The following FLCN variants were observed in gnomAD, a reference collection of about 807,000 sequenced individuals.
The protein encoded by FLCN is folliculin, also known as BHD skin lesion fibrofolliculoma protein.
In FLCN, 22 loss-of-function variants were observed where a neutral mutation model predicts 62.5. The ratio of observed to expected loss-of-function variants is 0.35; its 90% CI spans 0.25 to 0.50. The LOEUF (loss-of-function observed/expected upper bound fraction) is 0.50, where lower values mean the gene tolerates loss of function less well. FLCN is among the 20% of genes least tolerant of loss of function. The probability of loss-of-function intolerance (pLI) is 0.97; values close to 1 mark genes in which losing one functional copy is unlikely to be tolerated. For synonymous variants in FLCN, 319 were observed against 310.0 expected, an observed-to-expected ratio of 1.03 and a Z score of -0.30; for missense variants, 657 against 778.0, an observed-to-expected ratio of 0.84 and a Z score of 1.85.
At position 17,215,047 on chromosome 17, in the gene FLCN, G is replaced by A. The variant is rs779837933; in HGVS notation, c.1476C>T (p.Asn492=). The change falls in exon 13 of 14, where the codon AAC becomes AAT. Residue 492 remains asparagine, a synonymous_variant. Coordinates refer to ENST00000285071, the MANE Select transcript of FLCN (RefSeq NM_144997.7). The stretch of plus-strand genomic sequence containing the variant: ...CCACCACATCCACAGACAGGTTCTG[G>A]TTGGTCAGAGCCGCTTCAATCTTAT... The part of the protein sequence containing the change: ...ILNKIEAALT[N]QNLSVDVVDQ... 3.7e-6 allele frequency: 6 copies of A among 1,614,066 alleles called. No homozygotes were observed. In the East Asian group the frequency reaches 6.7e-5, roughly 18 times the overall value.
Position 17,216,622 on chromosome 17 carries a change from G to T in FLCN, c.1177-119C>A. On this transcript the variant is annotated intron_variant, in intron 10 of 13. Transcript: ENST00000285071. The surrounding 1 kb of genome is among the most constrained non-coding windows in gnomAD (Gnocchi z 4.0). ...CAGCCCGGTCCAAGCCCTCCCTCCTGCCAGAGGAGTCCCCAGACTCTCAGC... is the reference window on the plus strand; with the variant it reads ...CAGCCCGGTCCAAGCCCTCCCTCCTTCCAGAGGAGTCCCCAGACTCTCAGC... The T allele has an allele frequency of 6.8e-7, 1 of 1,481,428 alleles. No individual in the cohort carries two copies. Among genetic ancestry groups the T allele is most frequent in the Non-Finnish European group, 9.1e-7 (1 of 1,095,276 alleles). 91.8% of individuals were successfully genotyped at this position (1,481,428 alleles called of 1,614,324 possible).
chr17:17,217,580 A>G (rs1183934808), intron 9 of FLCN: 3 of 338,308 alleles, frequency 8.9e-6, no homozygotes, highest in Non-Finnish European at 1.7e-5. Context: ...AGCTGAGACC[A>G]TGACTGCAGC....
At chr17:17,228,521 G>A (rs2047327985) in intron 3 of FLCN, 1 of 286,468 alleles carries the variant, frequency 3.5e-6, no homozygotes, top group South Asian at 4.0e-5. Context: ...ATAGATAAAA[G>A]GCCACAGGGA....
chr17:17,213,487 A>T lies in FLCN; in HGVS notation c.*168T>A. On this transcript the variant is annotated 3_prime_UTR_variant, in exon 14 of 14. Coordinates refer to ENST00000285071, the MANE Select transcript of FLCN (RefSeq NM_144997.7). ...CGGCTGGAGGGAGAGTCTGGGAAGC[A>T]CACAGGCCCCAAACCTGACAGGGCC... 1.2e-6 allele frequency: 1 copy of T among 839,578 alleles called. No individual in the cohort carries two copies. Among genetic ancestry groups the T allele is most frequent in the South Asian group, 1.5e-5 (1 of 66,640 alleles). The allele number at this position is 839,578 out of a possible 1,614,324, so 52.0% of individuals were successfully genotyped here.
At chr17:17,221,346 A>C (rs1489190411) in intron 8 of FLCN, 191 bp downstream of exon 8, 5 of 1,579,974 alleles carry the variant, frequency 3.2e-6, no homozygotes, top group Non-Finnish European at 4.3e-6. Flanking sequence ...CGGTCAAGGC[A>C]AACGAGACAG....
At chr17:17,223,816 A>T (rs957689261) in intron 6 of FLCN, 106 bp downstream of exon 6, 3 of 1,126,916 alleles carry the variant, frequency 2.7e-6, no homozygotes, top group Admixed American at 3.9e-5. Flanking sequence ...ACTGGCTGTA[A>T]GCAGAGGGGA....
In FLCN at chr17:17,221,459, C is replaced by T. The variant is rs545726646; in HGVS notation, c.871+78G>A. 7 of 1,614,124 alleles carry T rather than the reference C, an allele frequency of 4.3e-6. No individual in the cohort carries two copies. In the South Asian group the frequency reaches 5.5e-5, roughly 13 times the overall value. On this transcript the variant is annotated intron_variant, in intron 8 of 13. Coordinates refer to ENST00000285071, the MANE Select transcript of FLCN (RefSeq NM_144997.7). ...GCCGCGTTTCCCTCCCTCAGCGATT[C>T]CTGCCAGGAGAGCAGACAGCTGGTA...
chr17:17,219,447 C>T, intron 8 of FLCN: 1 of 562,446 alleles, frequency 1.8e-6, no homozygotes, highest in Non-Finnish European at 3.2e-6. Context: ...AGACCGTCAG[C>T]TGTTCTCTGC....
intron 1 of FLCN, among the ~76,000 whole-genome samples, chr17:17,233,916 T>G (rs2047500343): frequency 6.6e-6 from 1 of 151,228 alleles, no homozygotes; most frequent in African/African-American, 2.4e-5. Flanking sequence ...AGAGACAGAG[T>G]TTCACCATGT....
rs747579747 is a variant in FLCN at position 17,219,079 on chromosome 17, G to A, written c.1002C>T (p.Gly334=). The stretch of plus-strand genomic sequence containing the variant: ...GCTTCCGGGGCTGCCAGCTCCCACA[G>A]CCTGAGAGAGAGGAGGACTCTGCCG... ...QGPAESSSLS[G]CGSWQPRKLP... is the part of the protein sequence containing the mutation. The change falls in exon 9 of 14, where the codon GGC becomes GGT. Residue 334 remains glycine (G), a synonymous_variant. Transcript: ENST00000285071. 2 of 1,614,114 alleles carry A rather than the reference G, an allele frequency of 1.2e-6. No individual in the cohort carries two copies. The highest frequency in any genetic ancestry group is 1.7e-6 in the Non-Finnish European group (2 of 1,180,018).
Position 17,232,806 on chromosome 17 carries a change from A to C in FLCN, c.-132T>G, listed in dbSNP as rs2145106918. 6.5e-6 allele frequency: 1 copy of C among 152,696 alleles called. No homozygotes were observed. The highest frequency in any genetic ancestry group is 2.1e-4 in the South Asian group (1 of 4,816). The allele number at this position is 152,696 out of a possible 1,614,324, so 9.5% of individuals were successfully genotyped here. ...CACTAACCTGACACTCAGCAGAATC[A>C]CGCTTCCACCGTCCACACCAGACCA... On this transcript the variant is annotated 5_prime_UTR_variant, in exon 2 of 14. It removes the in-frame stop codon of an upstream open reading frame in the 5' UTR. Transcript: ENST00000285071.
At position 17,215,190 on chromosome 17, in the gene FLCN, T is replaced by TC. The variant is rs1131690835; in HGVS notation, c.1426dup (p.Asp476GlyfsTer10). The TC allele has an allele frequency of 1.2e-6, 2 of 1,614,110 alleles. No homozygotes were observed. Among genetic ancestry groups the TC allele is most frequent in the Non-Finnish European group, 1.7e-6 (2 of 1,180,020 alleles). On this transcript the variant is annotated frameshift_variant, in exon 12 of 14. Transcript: ENST00000285071. LOFTEE classifies it high-confidence loss of function. ...CTCTGCCTGGGGGCACCCACCTCGGTCTGCAGCTACAGGGCTCCCACTGGT... is the reference window on the plus strand; with the variant it reads ...CTCTGCCTGGGGGCACCCACCTCGGTCCTGCAGCTACAGGGCTCCCACTGGT...
In FLCN at chr17:17,216,972, G is replaced by A; in HGVS notation, c.1176+97C>T. On this transcript the variant is annotated intron_variant, in intron 10 of 13. Coordinates refer to ENST00000285071, the MANE Select transcript of FLCN (RefSeq NM_144997.7). The surrounding 1 kb of genome is among the most constrained non-coding windows in gnomAD (Gnocchi z 4.0). The stretch of plus-strand genomic sequence containing the variant: ...AGACCGTGTGGTGCACAGCGGTTCT[G>A]TGCTGGGCAGTCGGTGCACCTTGGC... 1.1e-6 allele frequency: 1 copy of A among 898,916 alleles called. No individual in the cohort carries two copies. Among genetic ancestry groups the A allele is most frequent in the Non-Finnish European group, 1.8e-6 (1 of 544,324 alleles). 55.7% of individuals were successfully genotyped at this position (898,916 alleles called of 1,614,324 possible). A position where few individuals can be genotyped will look rare whatever the true frequency, so the allele number is the denominator to read the frequency against.
At position 17,226,314 on chromosome 17, in the gene FLCN, C is replaced by A. The variant is rs1369215617; in HGVS notation, c.258G>T (p.Arg86=). The A allele has an allele frequency of 2.5e-6, 4 of 1,614,184 alleles. No individual in the cohort carries two copies. The change falls in exon 5 of 14, where the codon CGG becomes CGT. Residue 86 remains arginine, a synonymous_variant. Coordinates refer to ENST00000285071, the MANE Select transcript of FLCN (RefSeq NM_144997.7). The part of the protein sequence containing the change: ...PKKSDMCEGC[R]SLAAGHPGYI... ...ATCCCGGGTGCCCTGCAGCAAGTGA[C>A]CGGCAGCCCTGTCCATGAAAAGGAA... is the stretch of plus-strand genomic sequence containing the variant.
intron 6 of FLCN, 161 bp from the exon 7 acceptor site, chr17:17,222,822 C>T: frequency 1.3e-6 from 1 of 798,584 alleles, no homozygotes; most frequent in Non-Finnish European, 2.1e-6. Context: ...CCAATCATTC[C>T]CAACAGCATA....
At position 17,212,421 on chromosome 17, in the gene FLCN, T is replaced by G. The variant is rs747663295; in HGVS notation, c.*1234A>C. On this transcript the variant is annotated 3_prime_UTR_variant, in exon 14 of 14. Transcript: ENST00000285071. ...CTGTATGTTGAAGCAGGAGGACTGC[T>G]TGAACTCAGGAGTTCAAGACCAGCC... 1 of 167,952 alleles carries G rather than the reference T, an allele frequency of 6.0e-6. No individual in the cohort carries two copies. Among genetic ancestry groups the G allele is most frequent in the African/African-American group, 2.5e-5 (1 of 40,154 alleles). 10.4% of individuals were successfully genotyped at this position (167,952 alleles called of 1,614,324 possible). A position where few individuals can be genotyped will look rare whatever the true frequency, so the allele number is the denominator to read the frequency against.
intron 9 of FLCN, among the ~76,000 whole-genome samples, chr17:17,218,797 G>A (rs942334656): frequency 1.3e-5 from 2 of 152,166 alleles, no homozygotes; most frequent in Non-Finnish European, 2.9e-5. Context: ...AACTATCTGG[G>A]CTTTTCTTTG....
rs555506292 is a variant in FLCN, at chr17:17,218,908, T to C, written c.1062+111A>G. On this transcript the variant is annotated intron_variant, in intron 9 of 13. Coordinates refer to ENST00000285071, the MANE Select transcript of FLCN (RefSeq NM_144997.7). The stretch of plus-strand genomic sequence containing the variant: ...ACCCACCGAGGAGGCTGTCAGTCAC[T>C]TCCTGCAGGGTTTTGAAGGTGGAGG... 5 of 1,289,126 alleles carry C rather than the reference T, an allele frequency of 3.9e-6. No individual in the cohort carries two copies. The African/African-American group carries it at 7.3e-5, about 19-fold the overall frequency. 79.9% of individuals were successfully genotyped at this position (1,289,126 alleles called of 1,614,324 possible). A position where few individuals can be genotyped will look rare whatever the true frequency, so the allele number is the denominator to read the frequency against.
Position 17,213,782 on chromosome 17 carries a change from A to G in FLCN, c.1613T>C (p.Ile538Thr). 1 of 1,614,236 alleles carries G rather than the reference A, an allele frequency of 6.2e-7. No individual in the cohort carries two copies. The highest frequency in any genetic ancestry group is 8.5e-7 in the Non-Finnish European group (1 of 1,180,040). ...ATTGTCCTCCTCGGACGCACCCAGG[A>G]TGCTCAGCAGCTTCTGTGTGTCCTC... ...PKEDTQKLLS[I>T]LGASEEDNVK... Residue 538 changes from isoleucine (I) to threonine (T), a missense_variant, in exon 14 of 14, where the codon ATC (isoleucine) becomes ACC (threonine). Ile to Thr is a moderately conservative substitution (Grantham distance 89). Coordinates refer to ENST00000285071, the MANE Select transcript of FLCN (RefSeq NM_144997.7).
Sources: gnomAD v4.1 joint callset for allele counts (sites outside exome capture counted in the v4.1 genomes callset) on GRCh38, gnomAD v4.1.1 for gene constraint, Gnocchi (gnomAD v3.1) non-coding constraint, MANE v1.5 for transcripts, NCBI Gene and HGNC (gene_info 2026-07-23, HGNC 2026-07-21) for gene names.